Variants in RPS6KA2 observed in about 807,000 individuals in gnomAD.
RPS6KA2 encodes the protein ribosomal protein S6 kinase A2.
In RPS6KA2, 42 loss-of-function variants were observed where a neutral mutation model predicts 91.8. That is an observed-to-expected ratio of 0.46 (90% CI 0.36 to 0.59). The LOEUF (loss-of-function observed/expected upper bound fraction) is 0.59. Among genes scored for constraint, RPS6KA2 ranks in the 20% least tolerant of loss-of-function variants. RPS6KA2 has a pLI of 0.00. For missense variants in RPS6KA2, 798 were observed against 978.5 expected, an observed-to-expected ratio of 0.82 and a Z score of 2.46; for synonymous variants, 414 against 393.6, an observed-to-expected ratio of 1.05 and a Z score of -0.61.
intron 2 of RPS6KA2, among the ~76,000 whole-genome samples, chr6:166,786,153 A>G (rs1240853298): frequency 6.6e-6 from 1 of 152,220 alleles, no homozygotes; most frequent in African/African-American, 2.4e-5. Flanking sequence ...ATCACAGTAC[A>G]TTTTAAGTCC....
At chr6:166,527,368 G>A (rs1347547748) in intron 3 of RPS6KA2, among the ~76,000 whole-genome samples, 2 of 152,176 alleles carry the variant, frequency 1.3e-5, no homozygotes, top group Admixed American at 6.5e-5. Context: ...ACCGCCTGAT[G>A]GACAGTAGGA....
intron 2 of RPS6KA2, among the ~76,000 whole-genome samples, chr6:166,801,138 T>C (rs1046060786): frequency 1.3e-5 from 2 of 152,214 alleles, no homozygotes; most frequent in Non-Finnish European, 2.9e-5. Flanking sequence ...TGTGGTGATT[T>C]AATTGTGTCT....
At chr6:166,460,223 C>T (rs1319036075) in intron 11 of RPS6KA2, among the ~76,000 whole-genome samples, 3 of 152,228 alleles carry the variant, frequency 2.0e-5, no homozygotes, top group Admixed American at 1.3e-4. Flanking sequence ...AAACTTATTT[C>T]CCCAACAGGA....
intron 2 of RPS6KA2, among the ~76,000 whole-genome samples, chr6:166,673,471 T>C (rs1193915201): frequency 6.6e-6 from 1 of 152,134 alleles, no homozygotes. Flanking sequence ...CCTGGGGGGC[T>C]CCTGGTGCCC....
rs570121453 is a variant in RPS6KA2, at chr6:166,767,059, G to A, written c.123+91141C>T. Among the ~76,000 whole-genome samples, 2 of 152,292 alleles carry A rather than the reference G, an allele frequency of 1.3e-5. No homozygotes were observed. The highest frequency in any genetic ancestry group is 3.9e-4 in the East Asian group (2 of 5,170). ...CTCACCGCCACGAGAGTGAATGAAG[G>A]TCCCTTCCTTACCTGGGGGCTGCCC... is the stretch of plus-strand genomic sequence containing the variant. On this transcript the variant is annotated intron_variant, in intron 2 of 21. Transcript: ENST00000503859. The surrounding 1 kb of genome is among the most constrained non-coding windows in gnomAD (Gnocchi z 4.6).
At chr6:166,425,754 A>G (rs1187307583) in intron 16 of RPS6KA2, among the ~76,000 whole-genome samples, 1 of 152,136 alleles carries the variant, frequency 6.6e-6, no homozygotes, top group Non-Finnish European at 1.5e-5. Context: ...AGAGCTAACT[A>G]TCCTAAATAT....
rs1045189160 is a variant in RPS6KA2 at position 166,639,532 on chromosome 6, C to T, written c.124-100748G>A. On this transcript the variant is annotated intron_variant, in intron 2 of 21. Transcript: ENST00000503859. This position sits in a 1 kb window ranked among gnomAD's most constrained non-coding sequence, Gnocchi z 4.2. ...CCCCAGGGCATGCATAGCTCCAGAG[C>T]TTGGAAGCTTGGAAGCCCCAGACTC... Among the ~76,000 whole-genome samples, 7 of 152,222 alleles carry T rather than the reference C, an allele frequency of 4.6e-5. No individual in the cohort carries two copies. The highest frequency in any genetic ancestry group is 1.0e-4 in the Non-Finnish European group (7 of 68,038).
chr6:166,751,915 G>C (rs182107383), intron 2 of RPS6KA2, among the ~76,000 whole-genome samples: 34 of 152,098 alleles, frequency 2.2e-4, no homozygotes, highest in Admixed American at 1.8e-3. Context: ...AGACGCTGTG[G>C]AACACAGAGG....
At position 166,445,922 on chromosome 6, in the gene RPS6KA2, G is replaced by A. The variant is rs1443784478; in HGVS notation, c.1332+2802C>T. Among the ~76,000 whole-genome samples the A allele has an allele frequency of 1.3e-5, 2 of 152,218 alleles. No homozygotes were observed. Among genetic ancestry groups the A allele is most frequent in the Non-Finnish European group, 2.9e-5 (2 of 68,048 alleles). ...CAGATAATCAGCTGCCACATGCTTA[G>A]TTCTGGGTCATGTTAGAAGTCACCG... On this transcript the variant is annotated intron_variant, in intron 14 of 20. Transcript: ENST00000265678. This position sits in a 1 kb window ranked among gnomAD's most constrained non-coding sequence, Gnocchi z 4.5.
At position 166,852,894 on chromosome 6, in the gene RPS6KA2, C is replaced by A. The variant is rs9355599; in HGVS notation, c.123+5306G>T. On this transcript the variant is annotated intron_variant, in intron 2 of 21. Transcript: ENST00000503859. This position sits in a 1 kb window ranked among gnomAD's most constrained non-coding sequence, Gnocchi z 4.1. ...CCTGTGATCCCCGTGTGGCTGTGTC[C>A]TGCCAACTGATGGTGACAGCAGGAA... Among the ~76,000 whole-genome samples, 2,660 of 152,274 alleles carry A rather than the reference C, an allele frequency of 0.017. 144 individuals are homozygous for A. The East Asian group carries it at 0.21, about 12-fold the overall frequency.
intron 2 of RPS6KA2, among the ~76,000 whole-genome samples, chr6:166,795,899 G>A (rs1241020063): frequency 5.3e-5 from 8 of 152,254 alleles, no homozygotes; most frequent in African/African-American, 1.7e-4. Flanking sequence ...GGGCTGAGTT[G>A]TGTCCTCTGG....
At chr6:166,721,063 A>G (rs527406243) in intron 2 of RPS6KA2, among the ~76,000 whole-genome samples, 65 of 152,374 alleles carry the variant, frequency 4.3e-4, no homozygotes, top group African/African-American at 1.6e-3. Flanking sequence ...GAGTTCACAC[A>G]AGCAAGTGCT....
chr6:166,776,819 A>T (rs1188667765), intron 2 of RPS6KA2, among the ~76,000 whole-genome samples: 1 of 152,150 alleles, frequency 6.6e-6, no homozygotes, highest in African/African-American at 2.4e-5. Context: ...CCATTGATGG[A>T]CATGTGGGCT....
At chr6:166,788,965 T>C (rs1362664563) in intron 2 of RPS6KA2, among the ~76,000 whole-genome samples, 1 of 152,182 alleles carries the variant, frequency 6.6e-6, no homozygotes, top group African/African-American at 2.4e-5. Context: ...TGCATTTCCA[T>C]CTGAGGTACC....
At chr6:166,796,181 G>A (rs10946189) in intron 2 of RPS6KA2, among the ~76,000 whole-genome samples, 48,443 of 152,040 alleles carry the variant, frequency 0.32, 8,052 homozygotes, top group African/African-American at 0.37. Context: ...GTAAGCCTAC[G>A]ATAAATCCCC....
rs1346189554 is a variant in RPS6KA2, at chr6:166,804,288, A to G, written c.123+53912T>C. 2.6e-5 allele frequency among the ~76,000 whole-genome samples: 4 copies of G among 151,882 alleles called. No individual in the cohort carries two copies. The East Asian group carries it at 6.0e-4, about 23-fold the overall frequency. ...TCAATGAGAGGTGTAGGCATTATATAGAGCATTATATATTTATCTGTATAT... is the reference window on the plus strand; with the variant it reads ...TCAATGAGAGGTGTAGGCATTATATGGAGCATTATATATTTATCTGTATAT... On this transcript the variant is annotated intron_variant, in intron 2 of 21. Transcript: ENST00000503859.
intron 5 of RPS6KA2, among the ~76,000 whole-genome samples, chr6:166,505,218 G>A (rs988382560): frequency 3.9e-5 from 6 of 152,254 alleles, no homozygotes; most frequent in Non-Finnish European, 8.8e-5. Flanking sequence ...GGGTTTCCAG[G>A]TGTTGGGGTT....
chr6:166,826,972 C>A (rs1273201933), intron 2 of RPS6KA2, among the ~76,000 whole-genome samples: 1 of 152,110 alleles, frequency 6.6e-6, no homozygotes. Flanking sequence ...CCAAGCCTAC[C>A]TTTAACATAG....
At chr6:166,752,301 G>A (rs1013104498) in intron 2 of RPS6KA2, among the ~76,000 whole-genome samples, 18 of 152,106 alleles carry the variant, frequency 1.2e-4, no homozygotes, top group Non-Finnish European at 2.5e-4. Context: ...TGTGAAGCGC[G>A]TCCACAGTCA....
Sources: gnomAD v4.1 joint callset for allele counts (sites outside exome capture counted in the v4.1 genomes callset) on GRCh38, gnomAD v4.1.1 for gene constraint, Gnocchi (gnomAD v3.1) non-coding constraint, MANE v1.5 for transcripts, NCBI Gene and HGNC (gene_info 2026-07-23, HGNC 2026-07-21) for gene names.